Variants in GRIN2D observed in about 807,000 individuals in gnomAD.
GRIN2D encodes glutamate ionotropic receptor NMDA type subunit 2D, also known as glutamate receptor ionotropic, NMDA 2D.
A neutral mutation model predicts 103.2 loss-of-function variants in GRIN2D; 37 were observed. That is an observed-to-expected ratio of 0.36 (90% CI 0.28 to 0.47). The LOEUF is 0.47. GRIN2D is among the 20% of genes least tolerant of loss of function. GRIN2D has a pLI of 1.00. For missense variants in GRIN2D, 1,557 were observed against 1,910.6 expected (o/e 0.81, Z 3.45); for synonymous variants, 845 against 885.6 (o/e 0.95, Z 0.81).
intron 11 of GRIN2D, among the ~76,000 whole-genome samples, chr19:48,423,264 G>A (rs113738788): frequency 3.3e-5 from 5 of 151,992 alleles, no homozygotes; most frequent in Non-Finnish European, 7.4e-5. Context: ...TGCAGCCCAC[G>A]AATACAACAA....
chr19:48,414,331 A>G lies in GRIN2D; in HGVS notation c.1201-42A>G. On this transcript the variant is annotated intron_variant, in intron 5 of 13. Transcript: ENST00000263269. The surrounding 1 kb of genome is among the most constrained non-coding windows in gnomAD (Gnocchi z 4.6). ...ATCATGGAGGCCAGGATACACCGGG[A>G]AGTCTTCCCAGGAAGCCTGACTCTC... 1.3e-6 allele frequency: 2 copies of G among 1,483,394 alleles called. No homozygotes were observed. The highest frequency in any genetic ancestry group is 1.8e-6 in the Non-Finnish European group (2 of 1,086,582). The allele number at this position is 1,483,394 out of a possible 1,614,324, so 91.9% of individuals were successfully genotyped here.
Position 48,415,987 on chromosome 19 carries a change from T to C in GRIN2D, c.1582-15T>C, listed in dbSNP as rs1175489140. 2.5e-6 allele frequency: 4 copies of C among 1,605,904 alleles called. No individual in the cohort carries two copies. The Admixed American group carries it at 5.0e-5, about 20-fold the overall frequency. Reference sequence around the variant, plus strand: ...GCCGGGTTCCCCCGCCCACTCCTCATCGCCCCCACCCCAGGTGTTCTACCA... The same window carrying C: ...GCCGGGTTCCCCCGCCCACTCCTCACCGCCCCCACCCCAGGTGTTCTACCA... On this transcript the variant is annotated splice_polypyrimidine_tract_variant and intron_variant, in intron 7 of 13. Coordinates refer to ENST00000263269, the MANE Select transcript of GRIN2D (RefSeq NM_000836.4).
intron 11 of GRIN2D, among the ~76,000 whole-genome samples, chr19:48,434,041 C>T (rs903720494): frequency 5.3e-5 from 8 of 150,748 alleles, no homozygotes; most frequent in South Asian, 4.2e-4. Context: ...CTCTGCCTCC[C>T]GGGTTCATAC....
intron 8 of GRIN2D, among the ~76,000 whole-genome samples, chr19:48,416,785 G>A (rs1784012971): frequency 6.8e-6 from 1 of 146,424 alleles, no homozygotes; most frequent in African/African-American, 2.5e-5. Flanking sequence ...CTGTCGCCCA[G>A]GCTGGAATGC....
chr19:48,426,449 C>T (rs1971089294), intron 11 of GRIN2D, among the ~76,000 whole-genome samples: 1 of 151,896 alleles, frequency 6.6e-6, no homozygotes. Flanking sequence ...TGGCCTCAAA[C>T]TCCTGACCTC....
intron 11 of GRIN2D, among the ~76,000 whole-genome samples, chr19:48,433,171 C>T (rs1157842558): frequency 7.3e-5 from 11 of 149,878 alleles, no homozygotes; most frequent in Admixed American, 5.3e-4. Flanking sequence ...AGTTCAAGAC[C>T]AGCCTGACCA....
intron 11 of GRIN2D, among the ~76,000 whole-genome samples, chr19:48,424,517 G>A (rs1383279426): frequency 2.6e-5 from 4 of 151,652 alleles, no homozygotes; most frequent in Non-Finnish European, 4.4e-5. Context: ...TGATCCACCC[G>A]CCTCAGCCTC....
Position 48,443,888 on chromosome 19 carries a change from G to A in GRIN2D, c.3962G>A (p.Gly1321Asp). ...SHRRHRGGDL[G>D]TRRGSAHFSS... Reference sequence around the variant, plus strand: ...CGGAGACACCGGGGCGGGGACCTGGGCACCCGCAGGGGCTCGGCGCACTTC... The same window carrying A: ...CGGAGACACCGGGGCGGGGACCTGGACACCCGCAGGGGCTCGGCGCACTTC... Residue 1321 changes from glycine to aspartate, a missense_variant, in exon 14 of 14, where the codon GGC becomes GAC. Coordinates refer to ENST00000263269, the MANE Select transcript of GRIN2D (RefSeq NM_000836.4). The surrounding 1 kb of genome is among the most constrained non-coding windows in gnomAD (Gnocchi z 8.9). 1 of 1,467,158 alleles carries A rather than the reference G, an allele frequency of 6.8e-7. No individual in the cohort carries two copies. Among genetic ancestry groups the A allele is most frequent in the Non-Finnish European group, 9.0e-7 (1 of 1,115,682 alleles). The allele number at this position is 1,467,158 out of a possible 1,614,324, so 90.9% of individuals were successfully genotyped here. A position where few individuals can be genotyped will look rare whatever the true frequency, so the allele number is the denominator to read the frequency against.
intron 4 of GRIN2D, among the ~76,000 whole-genome samples, chr19:48,413,136 C>CA (rs1473302806): frequency 5.2e-4 from 67 of 129,520 alleles, no homozygotes; most frequent in Non-Finnish European, 9.8e-4. Context: ...GACTCTGTCT[C>CA]AAAAAACAAA....
chr19:48,394,195 C>CTGTG lies in GRIN2D; in HGVS notation c.-306+335_-306+338dup, dbSNP rs1032192539. 1.3e-5 allele frequency among the ~76,000 whole-genome samples: 2 copies of CTGTG among 148,792 alleles called. No homozygotes were observed. Among genetic ancestry groups the CTGTG allele is most frequent in the Admixed American group, 6.6e-5 (1 of 15,070 alleles). On this transcript the variant is annotated intron_variant, in intron 1 of 13. Transcript: ENST00000263269. This position sits in a 1 kb window ranked among gnomAD's most constrained non-coding sequence, Gnocchi z 5.1. ...GACCCCCCACTCTGTGTGTGTGTGTCTGTGTGTGTGTCCCTCCTCAAGCTC... is the reference window on the plus strand; with the variant it reads ...GACCCCCCACTCTGTGTGTGTGTGTCTGTGTGTGTGTGTGTCCCTCCTCAAGCTC...
chr19:48,417,186 G>C (rs1970959331), intron 8 of GRIN2D, among the ~76,000 whole-genome samples: 1 of 152,168 alleles, frequency 6.6e-6, no homozygotes, highest in African/African-American at 2.4e-5. Flanking sequence ...GTTGCAGTGA[G>C]CCAAGATGGC....
chr19:48,410,251 C>T (rs915159791), intron 4 of GRIN2D, among the ~76,000 whole-genome samples: 1 of 149,938 alleles, frequency 6.7e-6, no homozygotes, highest in Non-Finnish European at 1.5e-5. Context: ...AGTGACAGGC[C>T]AGGCGTGGTG....
intron 11 of GRIN2D, among the ~76,000 whole-genome samples, chr19:48,438,103 C>T (rs980572621): frequency 1.3e-5 from 2 of 152,044 alleles, no homozygotes; most frequent in Non-Finnish European, 2.9e-5. Context: ...CTAATTTCCA[C>T]GCAAACAACC....
Position 48,442,650 on chromosome 19 carries a change from C to A in GRIN2D, c.2724C>A (p.Pro908=). The change falls in exon 14 of 14, where the codon CCC becomes CCA. Residue 908 remains proline (P), a synonymous_variant. Transcript: ENST00000263269. The surrounding 1 kb of genome is among the most constrained non-coding windows in gnomAD (Gnocchi z 7.2). The part of the protein sequence containing the change: ...SAEAAPPPAK[P]PPPPQPLPSP... Reference sequence around the variant, plus strand: ...AGGCCGCCCCACCGCCCGCCAAGCCCCCGCCGCCGCCACAGCCCCTGCCCA... The same window carrying A: ...AGGCCGCCCCACCGCCCGCCAAGCCACCGCCGCCGCCACAGCCCCTGCCCA... 6.8e-7 allele frequency: 1 copy of A among 1,479,604 alleles called. No individual in the cohort carries two copies. Among genetic ancestry groups the A allele is most frequent in the South Asian group, 1.3e-5 (1 of 78,384 alleles). 91.7% of individuals were successfully genotyped at this position (1,479,604 alleles called of 1,614,324 possible).
rs1162361078 is a variant in GRIN2D at position 48,442,687 on chromosome 19, C to T, written c.2761C>T (p.Pro921Ser). ...ACAGCCCCTGCCCAGCCCCGCGTAC[C>T]CCGCGCCGCGGCCGGCTCCCGGGCC... ...PPQPLPSPAYPAPRPAPGPAP... is the reference protein window; with the variant it reads ...PPQPLPSPAYSAPRPAPGPAP... Residue 921 changes from proline (P) to serine (S), a missense_variant, in exon 14 of 14, where the codon CCC becomes TCC. By Grantham distance (74) the Pro-to-Ser change is moderately conservative. This residue lies in a region of GRIN2D where 632 missense variants were observed against 572.8 expected (regional missense o/e 1.10). Transcript: ENST00000263269. The surrounding 1 kb of genome is among the most constrained non-coding windows in gnomAD (Gnocchi z 7.2). 9.1e-6 allele frequency: 11 copies of T among 1,202,692 alleles called. No homozygotes were observed. The highest frequency in any genetic ancestry group is 1.1e-5 in the Non-Finnish European group (11 of 970,946). The allele number at this position is 1,202,692 out of a possible 1,614,324, so 74.5% of individuals were successfully genotyped here.
At chr19:48,429,743 A>G (rs943223252) in intron 11 of GRIN2D, among the ~76,000 whole-genome samples, 3 of 143,184 alleles carry the variant, frequency 2.1e-5, no homozygotes, top group African/African-American at 8.2e-5. Context: ...GTGTGTGTAG[A>G]GATGGGGTTC....
At chr19:48,396,793 G>T (rs940827895) in intron 2 of GRIN2D, among the ~76,000 whole-genome samples, 1 of 152,044 alleles carries the variant, frequency 6.6e-6, no homozygotes, top group African/African-American at 2.4e-5. Context: ...GGCTGTCTGT[G>T]GGGTGGACGA....
At chr19:48,402,166 A>AAGAAAGAAAGAGAGAG (rs748167336) in intron 3 of GRIN2D, among the ~76,000 whole-genome samples, 10 of 80,086 alleles carry the variant, frequency 1.2e-4, no homozygotes, top group East Asian at 4.4e-4. Flanking sequence ...GAAAGAAAGA[A>AAGAAAGAAAGAGAGAG]AGAGAGAAAA....
chr19:48,396,556 TG>T (rs1320807888), intron 2 of GRIN2D, among the ~76,000 whole-genome samples: 2 of 110,002 alleles, frequency 1.8e-5, no homozygotes, highest in African/African-American at 7.2e-5. Flanking sequence ...TGGGGCGGAG[TG>T]GGGGGGTTAT....
Sources: allele counts gnomAD v4.1 joint callset (sites outside exome capture counted in the v4.1 genomes callset), GRCh38; gene constraint gnomAD v4.1.1; regional missense constraint gnomAD v4.1.1; non-coding constraint Gnocchi (gnomAD v3.1); transcripts MANE v1.5; gene names NCBI Gene and HGNC (gene_info 2026-07-23, HGNC 2026-07-21).